Variants in SEMA6D observed in about 807,000 individuals in gnomAD.
The protein encoded by SEMA6D is semaphorin 6D, also known as semaphorin-6D.
Under a neutral mutation model 106.6 loss-of-function variants are expected in SEMA6D, and 35 were observed. That is an observed-to-expected ratio of 0.33 (90% CI 0.25 to 0.44). SEMA6D has a LOEUF of 0.44. Ranked by LOEUF, SEMA6D falls within the 20% of genes least tolerant of loss-of-function variation. The pLI, the probability that SEMA6D is intolerant of heterozygous loss-of-function variation, is 1.00. For missense variants in SEMA6D, 1,185 were observed against 1,345.9 expected (o/e 0.88, Z 1.87); for synonymous variants, 499 against 487.7 (o/e 1.02, Z -0.31).
chr15:47,494,776 ATATATATATATAT>A (rs1567119788), intron 3 of SEMA6D, among the ~76,000 whole-genome samples: 7 of 97,920 alleles, frequency 7.1e-5, no homozygotes, highest in African/African-American at 2.8e-4. Context: ...ATATATATAT[ATATATATATATAT>A]AATCTCCAGA....
At chr15:47,379,502 T>C (rs2039565679) in intron 1 of SEMA6D, among the ~76,000 whole-genome samples, 1 of 152,108 alleles carries the variant, frequency 6.6e-6, no homozygotes, top group African/African-American at 2.4e-5. Flanking sequence ...ATATAATACT[T>C]GGAAGAACAT....
At chr15:47,199,203 C>T (rs751679146) in intron 1 of SEMA6D, among the ~76,000 whole-genome samples, 11 of 152,078 alleles carry the variant, frequency 7.2e-5, no homozygotes, top group African/African-American at 2.7e-4. Flanking sequence ...TTAAATAGAC[C>T]TATTGGCTAA....
intron 1 of SEMA6D, among the ~76,000 whole-genome samples, chr15:47,249,277 T>C (rs562602829): frequency 2.1e-3 from 319 of 152,184 alleles, no homozygotes; most frequent in African/African-American, 7.5e-3. Flanking sequence ...GGACTAGCTG[T>C]GCTCTAGGAC....
intron 3 of SEMA6D, among the ~76,000 whole-genome samples, chr15:47,492,537 C>G (rs1432858225): frequency 6.6e-6 from 1 of 152,106 alleles, no homozygotes; most frequent in Admixed American, 6.6e-5. Context: ...ATTTTTATAC[C>G]TTTCCAAGCA....
At chr15:47,532,246 C>G (rs2044996258) in intron 3 of SEMA6D, among the ~76,000 whole-genome samples, 1 of 152,114 alleles carries the variant, frequency 6.6e-6, no homozygotes. Flanking sequence ...AAAGAACTTC[C>G]TTCCATCACC....
intron 2 of SEMA6D, among the ~76,000 whole-genome samples, chr15:47,454,284 G>A (rs1488713919): frequency 6.6e-6 from 1 of 151,926 alleles, no homozygotes; most frequent in African/African-American, 2.4e-5. Flanking sequence ...TTAGAGTGAA[G>A]CAGCTTTTTC....
chr15:47,577,143 G>A (rs1295249174), intron 3 of SEMA6D, among the ~76,000 whole-genome samples: 3 of 152,186 alleles, frequency 2.0e-5, no homozygotes, highest in Admixed American at 6.5e-5. Flanking sequence ...TATATTTTCT[G>A]TTTCACAATC....
rs537820831 is a variant in SEMA6D at position 47,773,093 on chromosome 15, A to G, written c.*1308A>G. On this transcript the variant is annotated 3_prime_UTR_variant, in exon 19 of 19. Transcript: ENST00000536845. ...TGCATTTTGTGCCTTATTCATGAGA[A>G]TGATAGAAGTACTAAAATCTGTCAA... 9 of 152,662 alleles carry G rather than the reference A, an allele frequency of 5.9e-5. No homozygotes were observed. The East Asian group carries it at 1.7e-3, about 30-fold the overall frequency. The allele number at this position is 152,662 out of a possible 1,614,324, so 9.5% of individuals were successfully genotyped here.
intron 1 of SEMA6D, among the ~76,000 whole-genome samples, chr15:47,344,485 GGA>G (rs1454895389): frequency 6.6e-6 from 1 of 152,174 alleles, no homozygotes; most frequent in African/African-American, 2.4e-5. Context: ...CTTACTCTTT[GGA>G]GAGTTTCCAG....
intron 4 of SEMA6D, among the ~76,000 whole-genome samples, chr15:47,655,153 G>A (rs191277562): frequency 2.9e-4 from 44 of 152,304 alleles, no homozygotes; most frequent in Non-Finnish European, 5.0e-4. Flanking sequence ...TACTGAAGAA[G>A]ATGTAGTGAA....
chr15:47,756,730 T>C (rs576028312), intron 1 of SEMA6D, among the ~76,000 whole-genome samples: 13 of 152,248 alleles, frequency 8.5e-5, no homozygotes, highest in Admixed American at 5.2e-4. Flanking sequence ...TATCTTCTTA[T>C]GTAAAGTCAG....
intron 1 of SEMA6D, among the ~76,000 whole-genome samples, chr15:47,281,206 G>T (rs1235275414): frequency 7.7e-6 from 1 of 129,638 alleles, no homozygotes; most frequent in Non-Finnish European, 1.6e-5. Flanking sequence ...ATGAATCTTG[G>T]TGCTCCTGTA....
At chr15:47,628,914 C>T (rs565793658) in intron 4 of SEMA6D, among the ~76,000 whole-genome samples, 6 of 152,050 alleles carry the variant, frequency 3.9e-5, no homozygotes, top group South Asian at 2.1e-4. Flanking sequence ...TTATAGAAGC[C>T]GTGAGTTTTA....
chr15:47,224,617 C>T (rs956146639), intron 1 of SEMA6D, among the ~76,000 whole-genome samples: 1 of 152,034 alleles, frequency 6.6e-6, no homozygotes. Context: ...TACCTTATAC[C>T]TCATTTCATT....
chr15:47,315,022 C>T (rs1462339103), intron 1 of SEMA6D, among the ~76,000 whole-genome samples: 2 of 151,114 alleles, frequency 1.3e-5, no homozygotes, highest in African/African-American at 2.4e-5. Flanking sequence ...CCCGCCATCA[C>T]GCCCGGCTAA....
intron 1 of SEMA6D, among the ~76,000 whole-genome samples, chr15:47,221,745 T>C (rs1249141630): frequency 6.6e-6 from 1 of 152,192 alleles, no homozygotes; most frequent in Non-Finnish European, 1.5e-5. Flanking sequence ...GAAATACTGT[T>C]TAATCGTTAT....
chr15:47,195,562 A>G (rs1894282477), intron 1 of SEMA6D, among the ~76,000 whole-genome samples: 2 of 152,128 alleles, frequency 1.3e-5, no homozygotes, highest in South Asian at 4.1e-4. Context: ...ATAATTGTGT[A>G]TTTTACCATG....
chr15:47,669,397 T>C (rs1487687621), intron 4 of SEMA6D, among the ~76,000 whole-genome samples: 4 of 152,226 alleles, frequency 2.6e-5, no homozygotes, highest in Admixed American at 2.0e-4. Context: ...CATTAGTGTT[T>C]GGCATAATGC....
intron 6 of SEMA6D, 78 bp from the exon 7 acceptor site, chr15:47,761,583 A>G: frequency 7.7e-7 from 1 of 1,296,992 alleles, no homozygotes; most frequent in Non-Finnish European, 1.1e-6. Context: ...ATGGAATTTT[A>G]ATACAAATAA....
Sources: allele counts gnomAD v4.1 joint callset (sites outside exome capture counted in the v4.1 genomes callset), GRCh38; gene constraint gnomAD v4.1.1; transcripts MANE v1.5; gene names NCBI Gene and HGNC (gene_info 2026-07-23, HGNC 2026-07-21).